The following PBRM1 variants were observed in gnomAD, a reference collection of about 807,000 sequenced individuals.
The protein encoded by PBRM1 is protein polybromo-1.
A neutral mutation model predicts 194.5 loss-of-function variants in PBRM1; 27 were observed. The observed-to-expected ratio is 0.14, with a 90% CI of 0.10 to 0.19. The LOEUF (loss-of-function observed/expected upper bound fraction) is 0.19, where lower values mean the gene tolerates loss of function less well. Among genes scored for constraint, PBRM1 ranks in the 10% least tolerant of loss-of-function variants. The pLI, the probability that PBRM1 is intolerant of heterozygous loss-of-function variation, is 1.00. For missense variants in PBRM1, 1,466 were observed against 2,077.2 expected, an observed-to-expected ratio of 0.71 and a Z score of 5.72; for synonymous variants, 655 against 693.2, an observed-to-expected ratio of 0.94 and a Z score of 0.87.
At chr3:52,656,744 C>T (rs187788750) in intron 5 of PBRM1, among the ~76,000 whole-genome samples, 53 of 151,832 alleles carry the variant, frequency 3.5e-4, no homozygotes, top group Non-Finnish European at 6.3e-4. Flanking sequence ...TGGAAACAAC[C>T]CAATGTCCAT....
intron 26 of PBRM1, among the ~76,000 whole-genome samples, chr3:52,555,788 T>C (rs2082100881): frequency 1.3e-5 from 2 of 152,218 alleles, no homozygotes; most frequent in African/African-American, 4.8e-5. Context: ...TGACAAAATA[T>C]TTTCTACTGG....
Position 52,617,251 on chromosome 3 carries a change from G to A in PBRM1, c.1818+11C>T, listed in dbSNP as rs1367703936. ...AAATGTGCCTACTTCAGGACCGCTG[G>A]CCCTCCTTACCTGGGAGCCCTCCTC... is the stretch of plus-strand genomic sequence containing the variant. On this transcript the variant is annotated intron_variant, in intron 14 of 29. Coordinates refer to ENST00000296302, the Ensembl canonical transcript of PBRM1. 1 of 1,609,998 alleles carries A rather than the reference G, an allele frequency of 6.2e-7. No individual in the cohort carries two copies. Among genetic ancestry groups the A allele is most frequent in the South Asian group, 1.1e-5 (1 of 90,732 alleles).
Position 52,579,043 on chromosome 3 carries a change from A to G in PBRM1, c.3533+11T>C, listed in dbSNP as rs757054335. On this transcript the variant is annotated intron_variant, in intron 21 of 29. Transcript: ENST00000296302. ...ATTCAACCTCATCTTCCCTAATTCA[A>G]TGACACTCACCTGCCCACACGAGGA... 5.6e-6 allele frequency: 9 copies of G among 1,613,848 alleles called. No homozygotes were observed. The highest frequency in any genetic ancestry group is 5.0e-5 in the Admixed American group (3 of 60,000).
At chr3:52,628,171 T>C (rs2095503803) in intron 12 of PBRM1, among the ~76,000 whole-genome samples, 1 of 152,098 alleles carries the variant, frequency 6.6e-6, no homozygotes, top group Non-Finnish European at 1.5e-5. Context: ...TCCTTTCTGA[T>C]AGAATCAGCC....
chr3:52,590,694 C>T (rs1311071382), intron 17 of PBRM1, among the ~76,000 whole-genome samples: 2 of 152,006 alleles, frequency 1.3e-5, no homozygotes, highest in African/African-American at 4.8e-5. Context: ...AACTCCTGAC[C>T]TCAAGTGATC....
intron 10 of PBRM1, among the ~76,000 whole-genome samples, chr3:52,636,930 A>C (rs2095846287): frequency 6.6e-6 from 1 of 151,912 alleles, no homozygotes; most frequent in Non-Finnish European, 1.5e-5. Context: ...TCCTAAAACC[A>C]ACACACAAGA....
chr3:52,648,266 T>C, intron 7 of PBRM1, 78 bp downstream of exon 8: 1 of 809,030 alleles, frequency 1.2e-6, no homozygotes, highest in East Asian at 2.5e-5. Context: ...TCAATAAAGT[T>C]GTTTTATAAA....
intron 3 of PBRM1, among the ~76,000 whole-genome samples, chr3:52,666,771 A>G (rs2096845360): frequency 6.6e-6 from 1 of 151,610 alleles, no homozygotes; most frequent in South Asian, 2.1e-4. Context: ...GCGCACCTGT[A>G]GTCCCAGCTA....
intron 20 of PBRM1, among the ~76,000 whole-genome samples, chr3:52,584,101 A>T (rs988638279): frequency 1.3e-5 from 2 of 152,104 alleles, no homozygotes; most frequent in African/African-American, 2.4e-5. Context: ...TGACTGTCAC[A>T]TATTTATTCT....
At chr3:52,599,555 T>C (rs959461899) in intron 17 of PBRM1, among the ~76,000 whole-genome samples, 4 of 151,090 alleles carry the variant, frequency 2.6e-5, no homozygotes, top group Non-Finnish European at 4.4e-5. Context: ...CTCATGCCTG[T>C]AATCCCAGCA....
At chr3:52,637,765 T>TAAAAAAAAA (rs2095874909) in intron 10 of PBRM1, among the ~76,000 whole-genome samples, 1 of 26,226 alleles carries the variant, frequency 3.8e-5, no homozygotes, top group Non-Finnish European at 7.9e-5. Flanking sequence ...ATGTCTCTAC[T>TAAAAAAAAA]AAAAATACAA....
intron 15 of PBRM1, among the ~76,000 whole-genome samples, chr3:52,611,985 C>A (rs2094640237): frequency 6.6e-6 from 1 of 151,932 alleles, no homozygotes; most frequent in Non-Finnish European, 1.5e-5. Context: ...TCGGGCTGGG[C>A]ATGGTGGCTC....
intron 25 of PBRM1, among the ~76,000 whole-genome samples, chr3:52,558,942 T>C (rs183581534): frequency 2.4e-4 from 37 of 152,286 alleles, no homozygotes; most frequent in African/African-American, 8.9e-4. Flanking sequence ...AAATTAACTC[T>C]GTAAGGGAAA....
intron 17 of PBRM1, among the ~76,000 whole-genome samples, chr3:52,593,741 G>C (rs1007820530): frequency 6.6e-6 from 1 of 152,134 alleles, no homozygotes; most frequent in Non-Finnish European, 1.5e-5. Flanking sequence ...GTATGGTTTT[G>C]AGTGATTTTG....
chr3:52,661,092 C>T (rs773644758), intron 4 of PBRM1, among the ~76,000 whole-genome samples: 7 of 152,092 alleles, frequency 4.6e-5, no homozygotes, highest in Non-Finnish European at 7.4e-5. Context: ...GTGGCGCCAT[C>T]TCGGCTCACT....
chr3:52,616,262 G>A (rs1056566549), intron 14 of PBRM1, among the ~76,000 whole-genome samples: 3 of 152,144 alleles, frequency 2.0e-5, no homozygotes, highest in Non-Finnish European at 4.4e-5. Context: ...ATAATCAAAT[G>A]TAATTGCAGA....
At chr3:52,616,296 T>C in intron 14 of PBRM1, among the ~76,000 whole-genome samples, 1 of 152,312 alleles carries the variant, frequency 6.6e-6, no homozygotes, top group African/African-American at 2.4e-5. Context: ...CTTAAAAATG[T>C]TATTTTATTT....
chr3:52,664,412 GAAAAAAA>G (rs58727570), intron 3 of PBRM1, among the ~76,000 whole-genome samples: 22 of 101,182 alleles, frequency 2.2e-4, no homozygotes, highest in Admixed American at 8.9e-4. Context: ...TGAAAGAACT[GAAAAAAA>G]AAAAAAAAAA....
At position 52,623,387 on chromosome 3, in the gene PBRM1, C is replaced by T. The variant is rs544609092; in HGVS notation, c.1541+3886G>A. Among the ~76,000 whole-genome samples the T allele has an allele frequency of 3.9e-5, 6 of 152,330 alleles. No homozygotes were observed. In the East Asian group the frequency reaches 1.2e-3, roughly 29 times the overall value. On this transcript the variant is annotated intron_variant, in intron 13 of 29. Coordinates refer to ENST00000296302, the Ensembl canonical transcript of PBRM1. ...CTTTAAGGTGTCCCAGCATTTAGCT[C>T]CCCCACCTTAAGAGCTTCAGTTGTG... is the stretch of plus-strand genomic sequence containing the variant.
Sources: allele counts gnomAD v4.1 joint callset (sites outside exome capture counted in the v4.1 genomes callset), GRCh38; gene constraint gnomAD v4.1.1; transcripts MANE v1.5; gene names NCBI Gene and HGNC (gene_info 2026-07-23, HGNC 2026-07-21).